The following RB1CC1 variants were observed in gnomAD, a reference collection of about 807,000 sequenced individuals.
The protein encoded by RB1CC1 is RB1 inducible coiled-coil 1, also known as RB1-inducible coiled-coil protein 1.
RB1CC1 carries 46 observed loss-of-function variants against 177.5 expected under a neutral mutation model. The observed-to-expected ratio is 0.26, with a 90% CI of 0.20 to 0.33. RB1CC1 has a LOEUF of 0.33. Ranked by LOEUF, RB1CC1 falls within the 10% of genes least tolerant of loss-of-function variation. RB1CC1 has a pLI of 1.00. For synonymous variants in RB1CC1, 666 were observed against 613.6 expected (o/e 1.09, Z -1.26); for missense variants, 1,703 against 1,816.3 (o/e 0.94, Z 1.13).
intron 1 of RB1CC1, among the ~76,000 whole-genome samples, chr8:52,704,075 G>C (rs1266153962): frequency 2.6e-5 from 4 of 152,056 alleles, no homozygotes; most frequent in Admixed American, 1.3e-4. Context: ...CAGTAACCAA[G>C]TACATATTTG....
At chr8:52,700,196 G>A (rs573113263) in intron 1 of RB1CC1, among the ~76,000 whole-genome samples, 61 of 152,116 alleles carry the variant, frequency 4.0e-4, no homozygotes, top group African/African-American at 1.4e-3. Flanking sequence ...GTCTTTCACG[G>A]TGGTAAGACA....
At chr8:52,664,972 G>C (rs1207327930) in intron 8 of RB1CC1, among the ~76,000 whole-genome samples, 1 of 152,088 alleles carries the variant, frequency 6.6e-6, no homozygotes, top group African/African-American at 2.4e-5. Context: ...TATACTGAGA[G>C]ATTAAGGGGA....
intron 3 of RB1CC1, 34 bp from the exon 4 acceptor site, chr8:52,684,047 T>C: frequency 6.3e-7 from 1 of 1,588,842 alleles, no homozygotes; most frequent in Non-Finnish European, 8.6e-7. Flanking sequence ...ATCAGTTGTT[T>C]ATATTTGCCC....
Position 52,661,544 on chromosome 8 carries a change from A to G in RB1CC1, c.1349T>C (p.Val450Ala). ...AKQELANNLH[V>A]RLKWCCFVML... ...TAAATGAATCACTTACTTCAGTCTG[A>G]CATGTAGGTTATTTGCTAGTTCTTG... The change falls in exon 9 of 24, where the codon GTC (valine) becomes GCC (alanine). Residue 450 changes from valine (V) to alanine (A), a missense_variant. Around this residue, in one of 6 missense-constraint regions of RB1CC1, gnomAD observed 1,169 missense variants for 1,184.7 expected, o/e 0.99. Coordinates refer to ENST00000025008, the MANE Select transcript of RB1CC1 (RefSeq NM_014781.5). 1 of 1,602,514 alleles carries G rather than the reference A, an allele frequency of 6.2e-7. No individual in the cohort carries two copies. The highest frequency in any genetic ancestry group is 1.3e-5 in the African/African-American group (1 of 74,562).
chr8:52,649,310 G>C (rs1157863692), intron 15 of RB1CC1, among the ~76,000 whole-genome samples: 2 of 152,076 alleles, frequency 1.3e-5, no homozygotes, highest in Admixed American at 6.5e-5. Flanking sequence ...TTACCAGCTG[G>C]GAACTTTAGT....
intron 6 of RB1CC1, among the ~76,000 whole-genome samples, chr8:52,675,716 A>AC (rs1853050353): frequency 7.3e-6 from 1 of 137,472 alleles, no homozygotes; most frequent in East Asian, 2.0e-4. Flanking sequence ...TAAAAATCCA[A>AC]AAAAAAAAAA....
chr8:52,638,770 T>C (rs1038685770), intron 18 of RB1CC1, among the ~76,000 whole-genome samples: 5 of 152,138 alleles, frequency 3.3e-5, no homozygotes, highest in Non-Finnish European at 4.4e-5. Flanking sequence ...ATATACAATG[T>C]AAAATATGGC....
intron 9 of RB1CC1, 82 bp from the exon 10 acceptor site, chr8:52,661,363 G>C (rs1851607282): frequency 6.5e-7 from 1 of 1,533,672 alleles, no homozygotes; most frequent in Non-Finnish European, 8.8e-7. Context: ...TACTAACTTA[G>C]TTAAGCCAAA....
chr8:52,694,183 G>A (rs1247638143), intron 1 of RB1CC1, among the ~76,000 whole-genome samples: 2 of 152,148 alleles, frequency 1.3e-5, no homozygotes, highest in East Asian at 3.9e-4. Flanking sequence ...CCTTCAAATA[G>A]GGAACTCCAC....
chr8:52,624,289 ATT>A (rs1411859621), intron 23 of RB1CC1, among the ~76,000 whole-genome samples: 1 of 151,936 alleles, frequency 6.6e-6, no homozygotes, highest in Non-Finnish European at 1.5e-5. Context: ...GAGCACTGAT[ATT>A]GTTATACAAT....
intron 1 of RB1CC1, among the ~76,000 whole-genome samples, chr8:52,704,203 G>C (rs112071161): frequency 1.7e-4 from 26 of 151,930 alleles, no homozygotes; most frequent in East Asian, 7.7e-4. Context: ...TCTCAGTTTC[G>C]TCATCTTAAA....
intron 3 of RB1CC1, 27 bp downstream of exon 3, chr8:52,685,370 GAA>G: frequency 6.9e-7 from 1 of 1,453,332 alleles, no homozygotes; most frequent in Non-Finnish European, 9.5e-7. Context: ...GACAGAATGC[GAA>G]AAAAAAATAA....
At chr8:52,696,334 G>A (rs529632870) in intron 1 of RB1CC1, among the ~76,000 whole-genome samples, 4 of 152,224 alleles carry the variant, frequency 2.6e-5, no homozygotes, top group South Asian at 4.2e-4. Flanking sequence ...GAGCCACCAC[G>A]CCCGGCCTAC....
intron 7 of RB1CC1, among the ~76,000 whole-genome samples, chr8:52,670,856 C>T (rs1440272716): frequency 6.6e-6 from 1 of 151,474 alleles, no homozygotes; most frequent in Admixed American, 6.6e-5. Context: ...GGTGTGGTGG[C>T]GGGTGCCTGT....
At chr8:52,676,241 G>T (rs1853116831) in intron 6 of RB1CC1, 128 bp downstream of exon 6, 2 of 772,226 alleles carry the variant, frequency 2.6e-6, no homozygotes, top group Non-Finnish European at 4.1e-6. Context: ...ATCAGAAAAG[G>T]CTCAAAGAAT....
chr8:52,651,890 CAATA>C (rs1850619929), intron 15 of RB1CC1, among the ~76,000 whole-genome samples: 2 of 152,042 alleles, frequency 1.3e-5, no homozygotes, highest in Non-Finnish European at 2.9e-5. Flanking sequence ...AGAGATGTAC[CAATA>C]AATGTTAAGA....
rs1451248805 is a variant in RB1CC1 at position 52,714,118 on chromosome 8, C to A, written c.-210G>T. The A allele has an allele frequency of 3.0e-6, 1 of 338,378 alleles. No individual in the cohort carries two copies. Among genetic ancestry groups the A allele is most frequent in the Non-Finnish European group, 6.0e-6 (1 of 165,574 alleles). 21.0% of individuals were successfully genotyped at this position (338,378 alleles called of 1,614,324 possible). On this transcript the variant is annotated 5_prime_UTR_variant, in exon 1 of 24. Transcript: ENST00000025008. ...TCGCCGGCGGCAGCAGCAGAGCCAG[C>A]GACCCCCGGCACCATCTTCCGCCGC...
chr8:52,634,276 A>G (rs1215739454), intron 20 of RB1CC1, among the ~76,000 whole-genome samples: 1 of 152,232 alleles, frequency 6.6e-6, no homozygotes, highest in African/African-American at 2.4e-5. Context: ...AACTCCCAGC[A>G]CTTTGGGAGT....
At chr8:52,665,223 C>T (rs1851965471) in intron 8 of RB1CC1, among the ~76,000 whole-genome samples, 1 of 152,016 alleles carries the variant, frequency 6.6e-6, no homozygotes, top group African/African-American at 2.4e-5. Context: ...CTATAATAGA[C>T]AAAGAACTAT....
Sources: gnomAD v4.1 joint callset for allele counts (sites outside exome capture counted in the v4.1 genomes callset) on GRCh38, gnomAD v4.1.1 for gene constraint, gnomAD v4.1.1 regional missense constraint, MANE v1.5 for transcripts, NCBI Gene and HGNC (gene_info 2026-07-23, HGNC 2026-07-21) for gene names.